APOBEC3A: variants seen among roughly 807,000 people sequenced by gnomAD.
APOBEC3A encodes apolipoprotein B mRNA editing enzyme catalytic subunit 3A.
A neutral mutation model predicts 23.0 loss-of-function variants in APOBEC3A; 13 were observed. The observed-to-expected ratio is 0.57, with a 90% CI of 0.37 to 0.90. The LOEUF (loss-of-function observed/expected upper bound fraction) is 0.90, where lower values mean the gene tolerates loss of function less well. APOBEC3A is among the 40% of genes least tolerant of loss of function. APOBEC3A has a pLI of 0.01. For synonymous variants in APOBEC3A, 74 were observed against 101.3 expected (o/e 0.73, Z 1.62); for missense variants, 179 against 264.9 (o/e 0.68, Z 2.25).
At position 38,957,612 on chromosome 22, in the gene APOBEC3A, G is replaced by T; in HGVS notation, c.-80G>T. 2 of 1,554,702 alleles carry T rather than the reference G, an allele frequency of 1.3e-6. No homozygotes were observed. The highest frequency in any genetic ancestry group is 1.8e-5 in the Admixed American group (1 of 54,124). On this transcript the variant is annotated 5_prime_UTR_variant, in exon 1 of 5. Transcript: ENST00000249116. ...GGCTCCTGAATCCTAAGAGAATGTT[G>T]GTGAAGATCTTAACACCACGCCTTG...
chr22:38,959,534 G>A lies in APOBEC3A; in HGVS notation c.30-8G>A, dbSNP rs1352477845. On this transcript the variant is annotated splice_region_variant and splice_polypyrimidine_tract_variant and intron_variant, in intron 1 of 4. Transcript: ENST00000249116. ...TCCTCCTCTGGTCTTTTCCCTGGCT[G>A]TCCACAGACACTTGATGGATCCACA... 5 of 1,612,598 alleles carry A rather than the reference G, an allele frequency of 3.1e-6. No individual in the cohort carries two copies. In the East Asian group the frequency reaches 8.9e-5, roughly 29 times the overall value.
chr22:38,959,489 G>C, intron 1 of APOBEC3A, 53 bp from the exon 2 acceptor site: 3 of 1,590,948 alleles, frequency 1.9e-6, no homozygotes, highest in Non-Finnish European at 2.6e-6. Flanking sequence ...GGAGGAGGCA[G>C]GGCAGTCCAG....
chr22:38,962,234 C>T (rs1922934352), intron 4 of APOBEC3A, 21 bp downstream of exon 4: 3 of 1,613,690 alleles, frequency 1.9e-6, no homozygotes, highest in Non-Finnish European at 2.5e-6. Context: ...CCTCCCTCTG[C>T]CCGGTGCCCC....
At chr22:38,960,821 T>TCC (rs1257089408) in intron 2 of APOBEC3A, among the ~76,000 whole-genome samples, 2 of 151,932 alleles carry the variant, frequency 1.3e-5, no homozygotes, top group African/African-American at 2.4e-5. Flanking sequence ...CAGGTCAATC[T>TCC]CCCCTTGAAG....
rs1650291477 is a variant in APOBEC3A at position 38,962,763 on chromosome 22, C to T, written c.*254C>T. 1.4e-5 allele frequency: 13 copies of T among 905,308 alleles called. 1 individual carries two copies. Among genetic ancestry groups the T allele is most frequent in the Non-Finnish European group, 2.1e-5 (13 of 632,260 alleles). The allele number at this position is 905,308 out of a possible 1,614,324, so 56.1% of individuals were successfully genotyped here. On this transcript the variant is annotated 3_prime_UTR_variant, in exon 5 of 5. Transcript: ENST00000249116. ...CACGAGGTCAGGAGATCGAGACCATCCTGGCTAACACGGTGAAACCCTGTC... is the reference window on the plus strand; with the variant it reads ...CACGAGGTCAGGAGATCGAGACCATTCTGGCTAACACGGTGAAACCCTGTC...
chr22:38,962,915 G>A lies in APOBEC3A; in HGVS notation c.*406G>A, dbSNP rs1239422571. ...AGAGCTTGCGGTGAGCCGAGATTGCGCTACTGCACTCCAGCCTGGGCGACA... is the reference window on the plus strand; with the variant it reads ...AGAGCTTGCGGTGAGCCGAGATTGCACTACTGCACTCCAGCCTGGGCGACA... On this transcript the variant is annotated 3_prime_UTR_variant, in exon 5 of 5. Coordinates refer to ENST00000249116, the MANE Select transcript of APOBEC3A (RefSeq NM_145699.4). The A allele has an allele frequency of 7.1e-6, 2 of 280,984 alleles. No homozygotes were observed. The highest frequency in any genetic ancestry group is 1.3e-5 in the Non-Finnish European group (2 of 151,546). The allele number at this position is 280,984 out of a possible 1,614,324, so 17.4% of individuals were successfully genotyped here. A position where few individuals can be genotyped will look rare whatever the true frequency, so the allele number is the denominator to read the frequency against.
rs1922963389 is a variant in APOBEC3A at position 38,962,702 on chromosome 22, G to C, written c.*193G>C. 7.2e-7 allele frequency: 1 copy of C among 1,398,062 alleles called. No homozygotes were observed. Among genetic ancestry groups the C allele is most frequent in the Admixed American group, 2.4e-5 (1 of 40,948 alleles). 86.6% of individuals were successfully genotyped at this position (1,398,062 alleles called of 1,614,324 possible). Reference sequence around the variant, plus strand: ...GGGCCGGGCGCGGTGGCTCACGCCTGTAATCCCAGCACTTTGGAGGCCAAG... The same window carrying C: ...GGGCCGGGCGCGGTGGCTCACGCCTCTAATCCCAGCACTTTGGAGGCCAAG... On this transcript the variant is annotated 3_prime_UTR_variant, in exon 5 of 5. Transcript: ENST00000249116.
rs1255041974 is a variant in APOBEC3A, at chr22:38,962,698, G to C, written c.*189G>C. On this transcript the variant is annotated 3_prime_UTR_variant, in exon 5 of 5. Coordinates refer to ENST00000249116, the MANE Select transcript of APOBEC3A (RefSeq NM_145699.4). ...GAGTGGGCCGGGCGCGGTGGCTCAC[G>C]CCTGTAATCCCAGCACTTTGGAGGC... 1.4e-6 allele frequency: 2 copies of C among 1,411,512 alleles called. No homozygotes were observed. The highest frequency in any genetic ancestry group is 1.9e-6 in the Non-Finnish European group (2 of 1,056,868). The allele number at this position is 1,411,512 out of a possible 1,614,324, so 87.4% of individuals were successfully genotyped here. A position where few individuals can be genotyped will look rare whatever the true frequency, so the allele number is the denominator to read the frequency against.
chr22:38,961,828 C>A (rs1922906173), intron 3 of APOBEC3A, 147 bp downstream of exon 3: 1 of 1,251,972 alleles, frequency 8.0e-7, no homozygotes, highest in East Asian at 2.5e-5. Context: ...AAGAGAGAGG[C>A]CAGGCCAGGA....
intron 4 of APOBEC3A, 90 bp from the exon 5 acceptor site, chr22:38,962,405 C>G: frequency 1.9e-6 from 3 of 1,560,064 alleles, no homozygotes; most frequent in Non-Finnish European, 2.6e-6. Flanking sequence ...TCCCTCCTCT[C>G]CCGTCATTGT....
At position 38,962,843 on chromosome 22, in the gene APOBEC3A, A is replaced by G. The variant is rs1243152322; in HGVS notation, c.*334A>G. On this transcript the variant is annotated 3_prime_UTR_variant, in exon 5 of 5. Coordinates refer to ENST00000249116, the MANE Select transcript of APOBEC3A (RefSeq NM_145699.4). ...CGTGGTGGCGGGCGCCTGTAGTCCCAGCTACTCTGGAGGCTGAGGCAGGAG... is the reference window on the plus strand; with the variant it reads ...CGTGGTGGCGGGCGCCTGTAGTCCCGGCTACTCTGGAGGCTGAGGCAGGAG... 23 of 436,242 alleles carry G rather than the reference A, an allele frequency of 5.3e-5. 2 individuals are homozygous for G. The highest frequency in any genetic ancestry group is 4.1e-4 in the African/African-American group (20 of 49,060). The allele number at this position is 436,242 out of a possible 1,614,324, so 27.0% of individuals were successfully genotyped here.
chr22:38,962,198 G>C lies in APOBEC3A; in HGVS notation c.570G>C (p.Leu190=). Residue 190 remains leucine, a synonymous_variant, in exon 4 of 5, where the codon CTG becomes CTC. Coordinates refer to ENST00000249116, the MANE Select transcript of APOBEC3A (RefSeq NM_145699.4). ...DEHSQALSGR[L]RAILQNQGN ...ACAGCCAAGCCCTGAGTGGGAGGCT[G>C]CGGGCCATTCTCCAGGTGAGGGCTT... The C allele has an allele frequency of 1.9e-6, 3 of 1,613,598 alleles. No homozygotes were observed. Among genetic ancestry groups the C allele is most frequent in the Middle Eastern group, 3.5e-4 (2 of 5,792 alleles).
In APOBEC3A at chr22:38,957,675, C is replaced by G. The variant is rs11912424; in HGVS notation, c.-17C>G. 6,619 of 1,612,232 alleles carry G rather than the reference C, an allele frequency of 4.1e-3. 263 individuals carry two copies. In the African/African-American group the frequency reaches 0.079, roughly 19 times the overall value. On this transcript the variant is annotated 5_prime_UTR_variant, in exon 1 of 5. Transcript: ENST00000249116. ...GAGCGGGAGGACACAGACCAGGAAC[C>G]GAGAAGGGACAAGCACATGGAAGCC... is the stretch of plus-strand genomic sequence containing the variant.
chr22:38,957,620 T>A lies in APOBEC3A; in HGVS notation c.-72T>A. The A allele has an allele frequency of 6.4e-7, 1 of 1,574,680 alleles. No individual in the cohort carries two copies. The highest frequency in any genetic ancestry group is 8.7e-7 in the Non-Finnish European group (1 of 1,154,966). ...AATCCTAAGAGAATGTTGGTGAAGA[T>A]CTTAACACCACGCCTTGAGCAAGTC... On this transcript the variant is annotated 5_prime_UTR_variant, in exon 1 of 5. Transcript: ENST00000249116.
At chr22:38,958,767 T>C (rs113139144) in intron 1 of APOBEC3A, among the ~76,000 whole-genome samples, 3 of 38,530 alleles carry the variant, frequency 7.8e-5, no homozygotes, top group African/African-American at 3.2e-4. Flanking sequence ...CCATCTCTCT[T>C]TCTCTTTCTT....
intron 1 of APOBEC3A, among the ~76,000 whole-genome samples, chr22:38,958,343 TTC>T (rs368272458): frequency 6.0e-5 from 9 of 149,758 alleles, no homozygotes; most frequent in East Asian, 2.0e-4. Context: ...TCTTCTTTCT[TTC>T]TCTCTCTCTC....
intron 4 of APOBEC3A, 112 bp from the exon 5 acceptor site, chr22:38,962,383 C>A (rs964959429): frequency 1.5e-5 from 24 of 1,553,686 alleles, no homozygotes; most frequent in Non-Finnish European, 2.1e-5. Flanking sequence ...TCTTTCCCAC[C>A]TCCCGCATCC....
At position 38,962,515 on chromosome 22, in the gene APOBEC3A, G is replaced by A. The variant is rs2146275700; in HGVS notation, c.*6G>A. On this transcript the variant is annotated 3_prime_UTR_variant, in exon 5 of 5. Transcript: ENST00000249116. ...TCCAGAATCAGGGAAACTGAAGGAT[G>A]GGCCTCAGTCTCTAAGGAAGGCAGA... The A allele has an allele frequency of 6.3e-7, 1 of 1,590,354 alleles. No individual in the cohort carries two copies. Among genetic ancestry groups the A allele is most frequent in the Admixed American group, 1.8e-5 (1 of 55,472 alleles).
chr22:38,960,378 G>A (rs567103731), intron 2 of APOBEC3A, among the ~76,000 whole-genome samples: 3 of 152,208 alleles, frequency 2.0e-5, no homozygotes, highest in Non-Finnish European at 2.9e-5. Flanking sequence ...CTCCATCACC[G>A]CCTAAGCAGT....
Sources: gnomAD v4.1 joint callset for allele counts (sites outside exome capture counted in the v4.1 genomes callset) on GRCh38, gnomAD v4.1.1 for gene constraint, MANE v1.5 for transcripts, NCBI Gene and HGNC (gene_info 2026-07-23, HGNC 2026-07-21) for gene names.